Variants in GRAMD1C observed in about 807,000 individuals in gnomAD.
The protein encoded by GRAMD1C is GRAM domain containing 1C, also known as protein Aster-C.
GRAMD1C carries 89 observed loss-of-function variants against 97.8 expected under a neutral mutation model. The ratio of observed to expected loss-of-function variants is 0.91; its 90% CI spans 0.77 to 1.09. The LOEUF (loss-of-function observed/expected upper bound fraction) is 1.09. GRAMD1C is among the 50% of genes least tolerant of loss of function. GRAMD1C has a pLI of 0.00. For missense variants in GRAMD1C, 740 were observed against 766.4 expected (o/e 0.97, Z 0.41); for synonymous variants, 256 against 267.0 (o/e 0.96, Z 0.40).
At chr3:113,896,375 TA>T (rs1191317126) in intron 6 of GRAMD1C, among the ~76,000 whole-genome samples, 5 of 152,204 alleles carry the variant, frequency 3.3e-5, no homozygotes, top group African/African-American at 1.2e-4. Context: ...GCCACTCCTC[TA>T]TTTTCTCTTT....
chr3:113,841,659 A>G (rs987212361), intron 1 of GRAMD1C, among the ~76,000 whole-genome samples: 1 of 151,840 alleles, frequency 6.6e-6, no homozygotes, highest in Admixed American at 6.6e-5. Flanking sequence ...GGGTTGTATA[A>G]TTTTAACTGG....
In GRAMD1C at chr3:113,946,302, C is replaced by A. The variant is rs559297370; in HGVS notation, c.*824C>A. On this transcript the variant is annotated 3_prime_UTR_variant, in exon 18 of 18. Transcript: ENST00000358160. Reference sequence around the variant, plus strand: ...GTCTTTCATGGTGGAAGTGACACATCTGGTTGAAAATAATTTGTGTATTTT... The same window carrying A: ...GTCTTTCATGGTGGAAGTGACACATATGGTTGAAAATAATTTGTGTATTTT... The A allele has an allele frequency of 6.5e-6, 1 of 152,722 alleles. No individual in the cohort carries two copies. The highest frequency in any genetic ancestry group is 2.1e-4 in the South Asian group (1 of 4,828). 9.5% of individuals were successfully genotyped at this position (152,722 alleles called of 1,614,324 possible). A position where few individuals can be genotyped will look rare whatever the true frequency, so the allele number is the denominator to read the frequency against.
At chr3:113,898,061 A>G (rs1249852529) in intron 6 of GRAMD1C, among the ~76,000 whole-genome samples, 2 of 152,282 alleles carry the variant, frequency 1.3e-5, no homozygotes, top group African/African-American at 4.8e-5. Context: ...TTTATTTTCC[A>G]TTAACCTGTT....
At chr3:113,859,164 C>G (rs957489341) in intron 2 of GRAMD1C, among the ~76,000 whole-genome samples, 4 of 151,876 alleles carry the variant, frequency 2.6e-5, no homozygotes, top group Admixed American at 6.6e-5. Context: ...GAGTTGGATG[C>G]TTAGATTATT....
intron 1 of GRAMD1C, among the ~76,000 whole-genome samples, chr3:113,841,216 C>T (rs1040012560): frequency 5.3e-5 from 8 of 151,260 alleles, no homozygotes; most frequent in Admixed American, 2.0e-4. Context: ...ATTTAACAGG[C>T]CAAATTGGGC....
intron 6 of GRAMD1C, among the ~76,000 whole-genome samples, chr3:113,890,212 G>A (rs1935662799): frequency 6.6e-6 from 1 of 152,174 alleles, no homozygotes; most frequent in Non-Finnish European, 1.5e-5. Flanking sequence ...GGGTGAGGGG[G>A]CTTGCCAAGC....
chr3:113,872,183 C>G lies in GRAMD1C; in HGVS notation c.259+2592C>G, dbSNP rs548696812. ...GTGAAAAGTGAGTGATCCTTACAACCAAGACCACTTCAATGTTCTTCCTGG... is the reference window on the plus strand; with the variant it reads ...GTGAAAAGTGAGTGATCCTTACAACGAAGACCACTTCAATGTTCTTCCTGG... On this transcript the variant is annotated intron_variant, in intron 3 of 17. Transcript: ENST00000358160. Among the ~76,000 whole-genome samples, 11 of 152,108 alleles carry G rather than the reference C, an allele frequency of 7.2e-5. No homozygotes were observed. The South Asian group carries it at 1.5e-3, about 20-fold the overall frequency.
At chr3:113,899,428 A>G (rs1178400090) in intron 6 of GRAMD1C, among the ~76,000 whole-genome samples, 2 of 150,134 alleles carry the variant, frequency 1.3e-5, no homozygotes, top group East Asian at 2.0e-4. Context: ...CTTGTCATAT[A>G]ACTTAAGAAC....
At chr3:113,837,054 T>C (rs527667839), upstream of GRAMD1C, among the ~76,000 whole-genome samples, 1 of 152,274 alleles carries the variant, frequency 6.6e-6, no homozygotes, top group African/African-American at 2.4e-5. Flanking sequence ...TATTCCTCAA[T>C]TGTTCTAGAA....
chr3:113,845,896 CTT>C (rs1933589932), intron 2 of GRAMD1C, among the ~76,000 whole-genome samples: 1 of 131,006 alleles, frequency 7.6e-6, no homozygotes, highest in Non-Finnish European at 1.7e-5. Context: ...GTTATTGAAT[CTT>C]AACGTGACTA....
chr3:113,841,853 A>G (rs1303389175), intron 1 of GRAMD1C, among the ~76,000 whole-genome samples: 1 of 152,072 alleles, frequency 6.6e-6, no homozygotes, highest in African/African-American at 2.4e-5. Context: ...GTGTACCACT[A>G]TGCCAGGCTA....
intron 6 of GRAMD1C, among the ~76,000 whole-genome samples, chr3:113,884,186 C>T (rs1374068869): frequency 6.6e-6 from 1 of 152,022 alleles, no homozygotes; most frequent in African/African-American, 2.4e-5. Context: ...GAAACATTCT[C>T]CAGAATAGAC....
At position 113,850,823 on chromosome 3, in the gene GRAMD1C, A is replaced by T. The variant is rs574619365; in HGVS notation, c.174+6174A>T. The T allele has an allele frequency of 5.7e-5, 30 of 528,310 alleles. No individual in the cohort carries two copies. The East Asian group carries it at 1.2e-3, about 20-fold the overall frequency. The allele number at this position is 528,310 out of a possible 1,614,324, so 32.7% of individuals were successfully genotyped here. A position where few individuals can be genotyped will look rare whatever the true frequency, so the allele number is the denominator to read the frequency against. On this transcript the variant is annotated intron_variant, in intron 2 of 17. Transcript: ENST00000358160. The stretch of plus-strand genomic sequence containing the variant: ...TTTTTTAATTTTTATTTTTTTTGAG[A>T]TGGAGTATTGCTCTGTCACCCAGGC...
chr3:113,842,841 T>C (rs1933405506), intron 1 of GRAMD1C, among the ~76,000 whole-genome samples: 1 of 151,800 alleles, frequency 6.6e-6, no homozygotes. Context: ...TGCACGCTTG[T>C]AATCCCAGCT....
intron 3 of GRAMD1C, among the ~76,000 whole-genome samples, chr3:113,873,092 C>A (rs1220189327): frequency 1.1e-4 from 4 of 35,750 alleles, no homozygotes; most frequent in East Asian, 9.7e-4. Context: ...GACTCCATCT[C>A]AAAAAAAAAA....
intron 4 of GRAMD1C, 32 bp downstream of exon 4, chr3:113,875,619 A>G: frequency 1.1e-6 from 1 of 900,786 alleles, no homozygotes; most frequent in South Asian, 1.3e-5. Flanking sequence ...TTGTTGATAC[A>G]AATAATTGCA....
chr3:113,896,152 G>A (rs926875674), intron 6 of GRAMD1C, among the ~76,000 whole-genome samples: 2 of 152,074 alleles, frequency 1.3e-5, no homozygotes, highest in Admixed American at 1.3e-4. Flanking sequence ...CAAGTGATGG[G>A]GAACTGGTTT....
intron 13 of GRAMD1C, 54 bp from the exon 14 acceptor site, chr3:113,936,212 C>A: frequency 9.7e-7 from 1 of 1,025,752 alleles, no homozygotes; most frequent in Non-Finnish European, 1.4e-6. Flanking sequence ...CCCATTGTAT[C>A]TTATAGTTGA....
At chr3:113,900,941 C>A in intron 6 of GRAMD1C, 90 bp from the exon 7 acceptor site, 1 of 707,506 alleles carries the variant, frequency 1.4e-6, no homozygotes, top group Admixed American at 2.1e-5. Flanking sequence ...CACAACAGGT[C>A]ATTTTTGACT....
Sources: allele counts gnomAD v4.1 joint callset (sites outside exome capture counted in the v4.1 genomes callset), GRCh38; gene constraint gnomAD v4.1.1; transcripts MANE v1.5; gene names NCBI Gene and HGNC (gene_info 2026-07-23, HGNC 2026-07-21).